The following DUSP16 variants were observed in gnomAD, a reference collection of about 807,000 sequenced individuals.
DUSP16 encodes dual specificity phosphatase 16, also known as dual specificity protein phosphatase 16.
Under a neutral mutation model 58.3 loss-of-function variants are expected in DUSP16, and 21 were observed. That is an observed-to-expected ratio of 0.36 (90% CI 0.26 to 0.52). DUSP16 has a LOEUF of 0.52. Among genes scored for constraint, DUSP16 ranks in the 20% least tolerant of loss-of-function variants. DUSP16 has a pLI of 0.94. For synonymous variants in DUSP16, 320 were observed against 323.8 expected (o/e 0.99, Z 0.12); for missense variants, 726 against 819.0 (o/e 0.89, Z 1.39).
chr12:12,485,822 C>T (rs1198229854), intron 5 of DUSP16, among the ~76,000 whole-genome samples: 1 of 113,870 alleles, frequency 8.8e-6, no homozygotes, highest in Non-Finnish European at 1.7e-5. Flanking sequence ...GAGACAGAGT[C>T]TCACTCTGCT....
At chr12:12,562,003 C>A (rs4763844) in intron 1 of DUSP16, 114 bp downstream of exon 1, 11,535 of 150,140 alleles carry the variant, frequency 0.077, 504 homozygotes, top group Middle Eastern at 0.096. Context: ...GCGCGGCGCC[C>A]GGCACCGGGA....
chr12:12,557,231 G>A (rs1242807519), intron 1 of DUSP16, among the ~76,000 whole-genome samples: 1 of 152,032 alleles, frequency 6.6e-6, no homozygotes, highest in Non-Finnish European at 1.5e-5. Flanking sequence ...CAAGGCGGGT[G>A]GAACACGAGG....
At position 12,476,932 on chromosome 12, in the gene DUSP16, T is replaced by C. The variant is rs1943452525; in HGVS notation, c.1899A>G (p.Gly633=). 1.9e-6 allele frequency: 3 copies of C among 1,614,166 alleles called. No homozygotes were observed. Among genetic ancestry groups the C allele is most frequent in the Non-Finnish European group, 2.5e-6 (3 of 1,180,046 alleles). The change falls in exon 7 of 7, where the codon GGA becomes GGG. Residue 633 remains glycine, a synonymous_variant. Coordinates refer to ENST00000298573, the MANE Select transcript of DUSP16 (RefSeq NM_030640.3). ...ACCTGTTCTCTGACATGATGCTCTC[T>C]CCAAATTCCATTTGGCAGCTTCTGC... ...FKRRSCQMEF[G]ESIMSENRSR...
At chr12:12,536,570 C>G (rs1450836159) in intron 1 of DUSP16, among the ~76,000 whole-genome samples, 2 of 152,006 alleles carry the variant, frequency 1.3e-5, no homozygotes, top group Non-Finnish European at 2.9e-5. Flanking sequence ...CATGGTGAGA[C>G]CCTGTCTCTA....
At position 12,520,976 on chromosome 12, in the gene DUSP16, G is replaced by A. The variant is rs151208994; in HGVS notation, c.123C>T (p.His41=). Residue 41 remains histidine (H), a synonymous_variant, in exon 2 of 7, where the codon CAC becomes CAT. Transcript: ENST00000298573. ...AGTTGATATTAATGGCTTCCAAAAT[G>A]TGGGATGTATTGTATTCCACAAATG... is the stretch of plus-strand genomic sequence containing the variant. ...SRPFVEYNTS[H]ILEAININCS... The A allele has an allele frequency of 1.2e-6, 2 of 1,614,218 alleles. No homozygotes were observed. The highest frequency in any genetic ancestry group is 1.1e-5 in the South Asian group (1 of 91,078).
chr12:12,521,852 T>A (rs1252714681), intron 1 of DUSP16, among the ~76,000 whole-genome samples: 2 of 151,984 alleles, frequency 1.3e-5, no homozygotes, highest in Non-Finnish European at 2.9e-5. Context: ...CCACAAAGAA[T>A]GGCAGCTGAG....
At chr12:12,508,138 C>T (rs1167857481) in intron 3 of DUSP16, among the ~76,000 whole-genome samples, 1 of 152,170 alleles carries the variant, frequency 6.6e-6, no homozygotes, top group African/African-American at 2.4e-5. Context: ...ATGGAAAATA[C>T]TGAAAATGTT....
At chr12:12,503,084 C>T (rs1943933165) in intron 3 of DUSP16, among the ~76,000 whole-genome samples, 1 of 151,776 alleles carries the variant, frequency 6.6e-6, no homozygotes, top group Non-Finnish European at 1.5e-5. Context: ...TAAGCCCCTC[C>T]TACTCTAATT....
chr12:12,546,571 C>T (rs945948210), intron 1 of DUSP16, among the ~76,000 whole-genome samples: 2 of 152,174 alleles, frequency 1.3e-5, no homozygotes, highest in African/African-American at 4.8e-5. Flanking sequence ...AATGGTCAAT[C>T]AAGACCTGGC....
At chr12:12,496,520 G>C (rs890403957) in intron 4 of DUSP16, among the ~76,000 whole-genome samples, 1 of 152,216 alleles carries the variant, frequency 6.6e-6, no homozygotes, top group African/African-American at 2.4e-5. Flanking sequence ...AGAAGGAGCA[G>C]GCAGCAGAGC....
rs115886845 is a variant in DUSP16 at position 12,491,183 on chromosome 12, A to G, written c.532-3996T>C. 429 of 150,812 alleles carry G rather than the reference A, an allele frequency of 2.8e-3. 1 individual carries two copies. The highest frequency in any genetic ancestry group is 0.01 in the African/African-American group (417 of 41,164). The allele number at this position is 150,812 out of a possible 1,614,324, so 9.3% of individuals were successfully genotyped here. ...TTTTAATTTTTTTTTTTTTTTACAA[A>G]CTTCAATACAAATGGCTGGGAGGGG... On this transcript the variant is annotated intron_variant, in intron 4 of 6. Coordinates refer to ENST00000298573, the MANE Select transcript of DUSP16 (RefSeq NM_030640.3).
chr12:12,561,040 T>C (rs993922104), intron 1 of DUSP16: 1 of 151,728 alleles, frequency 6.6e-6, no homozygotes, highest in Non-Finnish European at 1.5e-5. Flanking sequence ...TTTGGTTCAC[T>C]TGAAAGAGCA....
At chr12:12,543,574 A>G (rs1201989980) in intron 1 of DUSP16, among the ~76,000 whole-genome samples, 2 of 152,192 alleles carry the variant, frequency 1.3e-5, no homozygotes, top group Non-Finnish European at 2.9e-5. Context: ...TTTTCCCTGT[A>G]ACATGTTTAT....
chr12:12,541,590 C>A (rs995450855), intron 1 of DUSP16, among the ~76,000 whole-genome samples: 1 of 152,132 alleles, frequency 6.6e-6, no homozygotes, highest in Non-Finnish European at 1.5e-5. Context: ...CTGTCTAGAC[C>A]CATGGTCTTC....
chr12:12,533,426 C>T (rs918470630), intron 1 of DUSP16, among the ~76,000 whole-genome samples: 3 of 152,190 alleles, frequency 2.0e-5, no homozygotes, highest in Non-Finnish European at 2.9e-5. Flanking sequence ...ACATTCCAGG[C>T]GTGGCCTTCA....
At chr12:12,517,519 C>T (rs1485382644) in intron 3 of DUSP16, among the ~76,000 whole-genome samples, 1 of 152,194 alleles carries the variant, frequency 6.6e-6, no homozygotes, top group Non-Finnish European at 1.5e-5. Context: ...AACAGTTTCC[C>T]AAGAATTGAT....
At chr12:12,561,898 C>A (rs1261236708) in intron 1 of DUSP16, among the ~76,000 whole-genome samples, 2 of 150,734 alleles carry the variant, frequency 1.3e-5, no homozygotes, top group African/African-American at 2.4e-5. Context: ...ACCCCCGCTT[C>A]AAACGCTCCT....
intron 3 of DUSP16, among the ~76,000 whole-genome samples, chr12:12,505,371 G>A (rs947632107): frequency 5.9e-5 from 9 of 152,186 alleles, no homozygotes; most frequent in Non-Finnish European, 1.2e-4. Context: ...AAGCTATATC[G>A]CTCAAAGGCT....
chr12:12,535,996 C>T (rs1170227707), intron 1 of DUSP16, among the ~76,000 whole-genome samples: 3 of 152,180 alleles, frequency 2.0e-5, no homozygotes, highest in South Asian at 2.1e-4. Context: ...GGCCACTGTA[C>T]GCTTTATGAA....
Sources: allele counts gnomAD v4.1 joint callset (sites outside exome capture counted in the v4.1 genomes callset), GRCh38; gene constraint gnomAD v4.1.1; transcripts MANE v1.5; gene names NCBI Gene and HGNC (gene_info 2026-07-23, HGNC 2026-07-21).